FHIT: variants seen among roughly 807,000 people sequenced by gnomAD.
FHIT encodes the protein bis(5'-adenosyl)-triphosphatase.
FHIT carries 19 observed loss-of-function variants against 17.9 expected under a neutral mutation model. The observed-to-expected ratio is 1.06, with a 90% CI of 0.74 to 1.56. The LOEUF (loss-of-function observed/expected upper bound fraction) is 1.56, where lower values mean the gene tolerates loss of function less well. FHIT is among the 40% of genes most tolerant of loss of function. The pLI is 0.00. For missense variants in FHIT, 248 were observed against 189.2 expected, an observed-to-expected ratio of 1.31 and a Z score of -1.82; for synonymous variants, 81 against 69.7, an observed-to-expected ratio of 1.16 and a Z score of -0.81.
chr3:60,651,250 A>G (rs1553688200), intron 4 of FHIT, among the ~76,000 whole-genome samples: 1 of 152,164 alleles, frequency 6.6e-6, no homozygotes, highest in Non-Finnish European at 1.5e-5. Context: ...CAGATTAAAT[A>G]CTATGAGCAT....
At chr3:61,183,724 T>C (rs937862294) in intron 2 of FHIT, among the ~76,000 whole-genome samples, 12 of 152,226 alleles carry the variant, frequency 7.9e-5, no homozygotes, top group African/African-American at 2.7e-4. Context: ...CACAATGCCA[T>C]GATAAATATC....
chr3:60,206,615 C>T (rs749770612), intron 5 of FHIT, among the ~76,000 whole-genome samples: 2 of 152,120 alleles, frequency 1.3e-5, no homozygotes, highest in Non-Finnish European at 2.9e-5. Flanking sequence ...TTATCAATCA[C>T]GGAATGCAGG....
intron 5 of FHIT, among the ~76,000 whole-genome samples, chr3:60,330,062 G>T (rs190729378): frequency 7.2e-5 from 11 of 152,240 alleles, no homozygotes; most frequent in Non-Finnish European, 1.2e-4. Flanking sequence ...TGGCTTTCAT[G>T]ATCTCACCAA....
chr3:60,795,949 G>C (rs1434893037), intron 4 of FHIT, among the ~76,000 whole-genome samples: 2 of 152,182 alleles, frequency 1.3e-5, no homozygotes, highest in African/African-American at 4.8e-5. Flanking sequence ...AAGAAAAAGA[G>C]GTTTAATTAG....
intron 4 of FHIT, among the ~76,000 whole-genome samples, chr3:60,581,578 T>C (rs565809693): frequency 1.7e-4 from 26 of 152,264 alleles, no homozygotes; most frequent in Middle Eastern, 6.8e-3. Context: ...AGTAAAACAT[T>C]AGATTCATAT....
chr3:60,089,675 T>C (rs888661777), intron 5 of FHIT, among the ~76,000 whole-genome samples: 9 of 152,284 alleles, frequency 5.9e-5, no homozygotes, highest in Non-Finnish European at 5.9e-5. Context: ...ATGGGTGATT[T>C]ATAAAGAACA....
chr3:60,610,929 C>T (rs1369268457), intron 4 of FHIT, among the ~76,000 whole-genome samples: 2 of 152,196 alleles, frequency 1.3e-5, no homozygotes, highest in African/African-American at 4.8e-5. Context: ...CTTTTACATA[C>T]TCCCTGAATG....
intron 4 of FHIT, among the ~76,000 whole-genome samples, chr3:60,639,148 C>A (rs915461460): frequency 1.3e-5 from 2 of 150,166 alleles, no homozygotes; most frequent in Admixed American, 1.3e-4. Flanking sequence ...AGGGCATTTG[C>A]GAATTTGCAT....
chr3:60,396,407 G>A (rs1177731971), intron 5 of FHIT, among the ~76,000 whole-genome samples: 1 of 152,118 alleles, frequency 6.6e-6, no homozygotes, highest in Non-Finnish European at 1.5e-5. Flanking sequence ...TCTTTCTTGT[G>A]CTTCAGAATG....
intron 8 of FHIT, among the ~76,000 whole-genome samples, chr3:59,825,110 C>A (rs1463854329): frequency 6.6e-6 from 1 of 152,208 alleles, no homozygotes; most frequent in Non-Finnish European, 1.5e-5. Flanking sequence ...CTCCTACTGT[C>A]TTCTGACTAG....
intron 5 of FHIT, among the ~76,000 whole-genome samples, chr3:60,173,992 C>T (rs1417194640): frequency 7.0e-6 from 1 of 143,336 alleles, no homozygotes; most frequent in African/African-American, 2.6e-5. Context: ...TGGTTCACTG[C>T]AACCTCCGCC....
intron 5 of FHIT, among the ~76,000 whole-genome samples, chr3:60,089,432 A>G (rs561818119): frequency 1.1e-4 from 16 of 152,292 alleles, no homozygotes; most frequent in African/African-American, 3.6e-4. Context: ...GAGTAGATGA[A>G]GCTCAACAAA....
chr3:59,798,278 T>A (rs1186313536), intron 8 of FHIT, among the ~76,000 whole-genome samples: 1 of 152,178 alleles, frequency 6.6e-6, no homozygotes, highest in Non-Finnish European at 1.5e-5. Context: ...CTCAGCTTAA[T>A]CACTAACGGT....
chr3:60,783,163 T>G (rs1260396105), intron 4 of FHIT, among the ~76,000 whole-genome samples: 2 of 148,814 alleles, frequency 1.3e-5, no homozygotes, highest in Non-Finnish European at 3.0e-5. Context: ...TTTTTTTTTT[T>G]GTAGAAACAG....
intron 5 of FHIT, among the ~76,000 whole-genome samples, chr3:60,247,191 G>C (rs1255893717): frequency 1.4e-5 from 2 of 147,250 alleles, no homozygotes; most frequent in South Asian, 2.2e-4. Flanking sequence ...GCTAAATTTT[G>C]CTATAAACCT....
intron 4 of FHIT, among the ~76,000 whole-genome samples, chr3:60,608,720 T>C (rs1373077071): frequency 6.6e-6 from 1 of 152,126 alleles, no homozygotes; most frequent in Non-Finnish European, 1.5e-5. Flanking sequence ...TTAGGAATAA[T>C]AAATACAAAA....
At chr3:60,254,927 G>C (rs1705912822) in intron 5 of FHIT, among the ~76,000 whole-genome samples, 1 of 152,130 alleles carries the variant, frequency 6.6e-6, no homozygotes. Context: ...TGGTTTAAAG[G>C]CCCGAGCACC....
chr3:60,636,025 C>T (rs2039575445), intron 4 of FHIT, among the ~76,000 whole-genome samples: 1 of 152,016 alleles, frequency 6.6e-6, no homozygotes, highest in African/African-American at 2.4e-5. Flanking sequence ...GACTTTAACC[C>T]AGGCCCAAGA....
Position 59,922,429 on chromosome 3 carries a change from G to C in FHIT, c.280-15C>G, listed in dbSNP as rs371475440. 2.5e-6 allele frequency: 4 copies of C among 1,605,080 alleles called. No homozygotes were observed. The highest frequency in any genetic ancestry group is 3.4e-6 in the Non-Finnish European group (4 of 1,175,410). ...ACGTGAACGTGCTGAAAATGTACAA[G>C]AAAGAAAAAAAATGTGATTATCTCC... On this transcript the variant is annotated splice_polypyrimidine_tract_variant and intron_variant, in intron 7 of 9. Coordinates refer to ENST00000492590, the MANE Select transcript of FHIT (RefSeq NM_002012.4).
Sources: gnomAD v4.1 joint callset for allele counts (sites outside exome capture counted in the v4.1 genomes callset) on GRCh38, gnomAD v4.1.1 for gene constraint, MANE v1.5 for transcripts, NCBI Gene and HGNC (gene_info 2026-07-23, HGNC 2026-07-21) for gene names.